EMX1: variants seen among roughly 807,000 people sequenced by gnomAD.
The protein encoded by EMX1 is homeobox protein EMX1.
EMX1 carries 10 observed loss-of-function variants against 20.1 expected under a neutral mutation model. The ratio of observed to expected loss-of-function variants is 0.50; its 90% confidence interval spans 0.31 to 0.84. The LOEUF is 0.84. Among genes scored for constraint, EMX1 ranks in the 40% least tolerant of loss-of-function variants. The pLI, the probability that EMX1 is intolerant of heterozygous loss-of-function variation, is 0.05. For synonymous variants in EMX1, 250 were observed against 200.4 expected, an observed-to-expected ratio of 1.25 and a Z score of -2.09; for missense variants, 424 against 431.9, an observed-to-expected ratio of 0.98 and a Z score of 0.16.
upstream of EMX1, chr2:72,917,067 G>T (rs548406713): frequency 4.6e-6 from 3 of 654,042 alleles, no homozygotes; most frequent in African/African-American, 1.8e-5. Flanking sequence ...GATGGTGGGT[G>T]AGTGGGAGAG....
At chr2:72,918,555 G>T (rs1001672492) in intron 1 of EMX1, among the ~76,000 whole-genome samples, 183 bp downstream of exon 1, 3 of 152,268 alleles carry the variant, frequency 2.0e-5, no homozygotes, top group African/African-American at 7.2e-5. Flanking sequence ...TCGCCGCGTA[G>T]GTCTCCCTCC....
At position 72,930,645 on chromosome 2, in the gene EMX1, G is replaced by GC. The variant is rs1014504069; in HGVS notation, c.706-3140dup. ...GGGAGGCATGTGCAGGACAGATCCA[G>GC]CCTCCAAGCCATACCATATGACCCA... On this transcript the variant is annotated intron_variant, in intron 2 of 2. Transcript: ENST00000258106. This position sits in a 1 kb window ranked among gnomAD's most constrained non-coding sequence, Gnocchi z 4.4. 7.2e-5 allele frequency among the ~76,000 whole-genome samples: 11 copies of GC among 152,108 alleles called. No individual in the cohort carries two copies. Among genetic ancestry groups the GC allele is most frequent in the African/African-American group, 2.7e-4 (11 of 41,424 alleles).
intron 2 of EMX1, 156 bp from the exon 3 acceptor site, chr2:72,933,631 G>A: frequency 1.3e-6 from 1 of 775,748 alleles, no homozygotes; most frequent in Non-Finnish European, 2.0e-6. Context: ...ACCCATGGGA[G>A]CAGCTGGTCA....
At chr2:72,928,005 C>T (rs1329608740) in intron 2 of EMX1, among the ~76,000 whole-genome samples, 1 of 152,202 alleles carries the variant, frequency 6.6e-6, no homozygotes, top group Non-Finnish European at 1.5e-5. Context: ...TTACTCAGAT[C>T]AGTGTGTGAA....
chr2:72,919,114 A>G (rs990031903), intron 1 of EMX1, among the ~76,000 whole-genome samples: 8 of 151,980 alleles, frequency 5.3e-5, no homozygotes, highest in Non-Finnish European at 1.2e-4. Flanking sequence ...TTAAGGTCGT[A>G]GCCAGTCCGA....
intron 1 of EMX1, among the ~76,000 whole-genome samples, chr2:72,921,006 C>T (rs1298340936): frequency 6.6e-6 from 1 of 152,224 alleles, no homozygotes; most frequent in African/African-American, 2.4e-5. Context: ...GCCGCCTGTC[C>T]TGCCTCTCCC....
At position 72,918,017 on chromosome 2, in the gene EMX1, C is replaced by CGGCGGGGGCACT; in HGVS notation, c.171_182dup (p.Thr59_Gly62dup). The CGGCGGGGGCACT allele has an allele frequency of 7.0e-7, 1 of 1,435,210 alleles. No homozygotes were observed. Among genetic ancestry groups the CGGCGGGGGCACT allele is most frequent in the South Asian group, 1.4e-5 (1 of 70,678 alleles). 88.9% of individuals were successfully genotyped at this position (1,435,210 alleles called of 1,614,324 possible). ...CCTTGGTGGCCAAGGACGGCGGCACCGGCGGGGGCACTGGCGGCGGGGGCG... is the reference window on the plus strand; with the variant it reads ...CCTTGGTGGCCAAGGACGGCGGCACCGGCGGGGGCACTGGCGGGGGCACTGGCGGCGGGGGCG... On this transcript the variant is annotated inframe_insertion, in exon 1 of 3. Coordinates refer to ENST00000258106, the MANE Select transcript of EMX1 (RefSeq NM_004097.3).
At chr2:72,932,055 C>G (rs1319602672) in intron 2 of EMX1, among the ~76,000 whole-genome samples, 1 of 152,238 alleles carries the variant, frequency 6.6e-6, no homozygotes, top group East Asian at 1.9e-4. Flanking sequence ...TGGCTAAGGC[C>G]TGTGCTTTAC....
Position 72,924,509 on chromosome 2 carries a change from C to A in EMX1, c.705+16C>A. 1 of 1,560,620 alleles carries A rather than the reference C, an allele frequency of 6.4e-7. No individual in the cohort carries two copies. Among genetic ancestry groups the A allele is most frequent in the African/African-American group, 1.3e-5 (1 of 74,362 alleles). ...CGAGACGCAGGTAATCACCCCCGGT[C>A]GCGGCCTGCCCTGCGCCCGGAGCCC... is the stretch of plus-strand genomic sequence containing the variant. On this transcript the variant is annotated intron_variant, in intron 2 of 2. Transcript: ENST00000258106.
At chr2:72,916,873 C>T (rs1323298721), upstream of EMX1, 3 of 717,168 alleles carry the variant, frequency 4.2e-6, no homozygotes, top group African/African-American at 3.5e-5. Context: ...GGAGCTGCTT[C>T]CAGCCCCGCG....
chr2:72,919,580 A>G (rs1473216488), intron 1 of EMX1, among the ~76,000 whole-genome samples: 1 of 152,208 alleles, frequency 6.6e-6, no homozygotes, highest in Non-Finnish European at 1.5e-5. Context: ...AATGAAAATT[A>G]TCTCTTGACA....
chr2:72,920,979 G>C (rs753661935), intron 1 of EMX1, among the ~76,000 whole-genome samples: 1 of 152,186 alleles, frequency 6.6e-6, no homozygotes, highest in Non-Finnish European at 1.5e-5. Context: ...AGGAGGACGG[G>C]GAATGAGGTT....
At chr2:72,933,632 C>G (rs560768972) in intron 2 of EMX1, 155 bp from the exon 3 acceptor site, 2 of 782,736 alleles carry the variant, frequency 2.6e-6, no homozygotes, top group South Asian at 3.7e-5. Flanking sequence ...CCCATGGGAG[C>G]AGCTGGTCAG....
chr2:72,918,616 G>A (rs1225235388), intron 1 of EMX1, among the ~76,000 whole-genome samples: 1 of 152,212 alleles, frequency 6.6e-6, no homozygotes, highest in East Asian at 1.9e-4. Context: ...ATACCAGTTC[G>A]GACGCAAGCC....
chr2:72,919,301 G>GT (rs1166742021), intron 1 of EMX1, among the ~76,000 whole-genome samples: 6 of 149,974 alleles, frequency 4.0e-5, no homozygotes, highest in Admixed American at 6.6e-5. Context: ...GTTGGAGTTT[G>GT]TTTTTTTCTT....
In EMX1 at chr2:72,924,465, C is replaced by T; in HGVS notation, c.677C>T (p.Ala226Val). 6.3e-7 allele frequency: 1 copy of T among 1,594,712 alleles called. No individual in the cohort carries two copies. The highest frequency in any genetic ancestry group is 8.5e-7 in the Non-Finnish European group (1 of 1,175,518). Residue 226 changes from alanine (A) to valine (V), a missense_variant, in exon 2 of 3, where the codon GCC becomes GTC. Physicochemically the swap from Ala to Val is moderately conservative, Grantham distance 64. This residue lies in a region of EMX1 where 91 missense variants were observed against 135.2 expected (regional missense o/e 0.67). Coordinates refer to ENST00000258106, the MANE Select transcript of EMX1 (RefSeq NM_004097.3). ...YVVGAERKQL[A>V]GSLSLSETQV... ...GTGGGCGCCGAGCGGAAGCAGCTGG[C>T]CGGCAGTCTCAGCCTCTCCGAGACG...
chr2:72,921,689 G>A (rs1671107141), intron 1 of EMX1, among the ~76,000 whole-genome samples: 1 of 152,128 alleles, frequency 6.6e-6, no homozygotes, highest in African/African-American at 2.4e-5. Context: ...TCTGTGATAG[G>A]GTTAGAAGGA....
At chr2:72,923,228 C>T (rs1402347375) in intron 1 of EMX1, among the ~76,000 whole-genome samples, 1 of 152,084 alleles carries the variant, frequency 6.6e-6, no homozygotes, top group Non-Finnish European at 1.5e-5. Flanking sequence ...CCTATGCTGG[C>T]CAACATTTGC....
chr2:72,920,758 C>T (rs528149391), intron 1 of EMX1, among the ~76,000 whole-genome samples: 5 of 152,370 alleles, frequency 3.3e-5, no homozygotes, highest in Admixed American at 2.0e-4. Context: ...AATGCGGAAT[C>T]GTCCAGGACT....
Sources: allele counts gnomAD v4.1 joint callset (sites outside exome capture counted in the v4.1 genomes callset), GRCh38; gene constraint gnomAD v4.1.1; regional missense constraint gnomAD v4.1.1; non-coding constraint Gnocchi (gnomAD v3.1); transcripts MANE v1.5; gene names NCBI Gene and HGNC (gene_info 2026-07-23, HGNC 2026-07-21).